The following DOK6 variants were observed in gnomAD, a reference collection of about 807,000 sequenced individuals.
The protein encoded by DOK6 is docking protein 6.
Under a neutral mutation model 44.0 loss-of-function variants are expected in DOK6, and 22 were observed. That is an observed-to-expected ratio of 0.50 (90% CI 0.36 to 0.71). DOK6 has a LOEUF of 0.71. Ranked by LOEUF, DOK6 falls within the 30% of genes least tolerant of loss-of-function variation. DOK6 has a pLI of 0.00. For missense variants in DOK6, 340 were observed against 416.4 expected (o/e 0.82, Z 1.60); for synonymous variants, 166 against 145.5 (o/e 1.14, Z -1.01).
At chr18:69,514,840 T>TATATA (rs369277915) in intron 1 of DOK6, among the ~76,000 whole-genome samples, 58,999 of 119,626 alleles carry the variant, frequency 0.49, 12,648 homozygotes, top group Non-Finnish European at 0.58. Flanking sequence ...TCCATATATA[T>TATATA]TTTTTTTTTT....
At chr18:69,707,206 A>G (rs929718489) in intron 5 of DOK6, among the ~76,000 whole-genome samples, 1 of 152,236 alleles carries the variant, frequency 6.6e-6, no homozygotes, top group Admixed American at 6.5e-5. Flanking sequence ...AAATGGAAGA[A>G]CATTCCATGC....
chr18:69,443,891 C>T (rs1979204580), intron 1 of DOK6, among the ~76,000 whole-genome samples: 1 of 152,120 alleles, frequency 6.6e-6, no homozygotes, highest in African/African-American at 2.4e-5. Flanking sequence ...AGTCTGTGTG[C>T]TCCCTTAACC....
At chr18:69,543,819 T>C (rs1446486970) in intron 1 of DOK6, among the ~76,000 whole-genome samples, 1 of 151,340 alleles carries the variant, frequency 6.6e-6, no homozygotes, top group East Asian at 1.9e-4. Context: ...AAAGAACAAA[T>C]GATAAGGGAA....
intron 1 of DOK6, among the ~76,000 whole-genome samples, chr18:69,514,949 T>C (rs4427905): frequency 0.62 from 93,519 of 151,754 alleles, 29,514 homozygotes; most frequent in Non-Finnish European, 0.69. Context: ...AGAGGCTCTG[T>C]TCAGTTAATC....
At chr18:69,598,679 C>A (rs943951372) in intron 2 of DOK6, among the ~76,000 whole-genome samples, 6 of 152,014 alleles carry the variant, frequency 3.9e-5, no homozygotes, top group African/African-American at 1.2e-4. Flanking sequence ...TTTCTGTTGA[C>A]TGCGGGGGAA....
intron 3 of DOK6, among the ~76,000 whole-genome samples, chr18:69,622,944 G>C (rs1386259628): frequency 6.6e-6 from 1 of 152,144 alleles, no homozygotes; most frequent in Non-Finnish European, 1.5e-5. Flanking sequence ...AGTCGGAATT[G>C]CCATTTCACT....
At chr18:69,428,565 C>G (rs1978708617) in intron 1 of DOK6, among the ~76,000 whole-genome samples, 1 of 152,024 alleles carries the variant, frequency 6.6e-6, no homozygotes, top group African/African-American at 2.4e-5. Context: ...AAGAGGATAA[C>G]TCTAGAGCTT....
At chr18:69,668,744 ATG>A (rs1985721912) in intron 3 of DOK6, among the ~76,000 whole-genome samples, 1 of 152,180 alleles carries the variant, frequency 6.6e-6, no homozygotes, top group Admixed American at 6.6e-5. Flanking sequence ...TCCGCAATGT[ATG>A]TGACTCAAAG....
chr18:69,779,062 T>C (rs138867459), intron 7 of DOK6, among the ~76,000 whole-genome samples: 13 of 152,290 alleles, frequency 8.5e-5, no homozygotes, highest in African/African-American at 2.9e-4. Flanking sequence ...AAGCATTAGA[T>C]GCTTATTGCC....
chr18:69,673,862 A>C (rs1985863054), intron 3 of DOK6, among the ~76,000 whole-genome samples: 1 of 152,242 alleles, frequency 6.6e-6, no homozygotes, highest in Non-Finnish European at 1.5e-5. Flanking sequence ...AAAACTTTAT[A>C]GAACCCTTTA....
chr18:69,767,028 AC>A (rs1979737657), intron 7 of DOK6, among the ~76,000 whole-genome samples: 2 of 152,198 alleles, frequency 1.3e-5, no homozygotes, highest in South Asian at 4.1e-4. Flanking sequence ...AGAGTTCGAG[AC>A]CAGCCTGGCC....
intron 1 of DOK6, among the ~76,000 whole-genome samples, chr18:69,561,302 CTA>C (rs35922877): frequency 0.21 from 32,112 of 152,042 alleles, 3,606 homozygotes; most frequent in Middle Eastern, 0.36. Context: ...TAAGTTTCCA[CTA>C]TATCAAACTG....
At chr18:69,496,814 G>T (rs563320949) in intron 1 of DOK6, among the ~76,000 whole-genome samples, 3 of 152,202 alleles carry the variant, frequency 2.0e-5, no homozygotes, top group Admixed American at 6.5e-5. Flanking sequence ...CTTAAAACAT[G>T]AATTATATTA....
At chr18:69,734,305 CTGT>C (rs1049170123) in intron 5 of DOK6, among the ~76,000 whole-genome samples, 7 of 131,036 alleles carry the variant, frequency 5.3e-5, no homozygotes, top group African/African-American at 1.9e-4. Flanking sequence ...CTTTTCTGTA[CTGT>C]TGTTTTTTAC....
At chr18:69,738,908 CTG>C (rs1431887578) in intron 5 of DOK6, 55 bp from the exon 6 acceptor site, 22 of 1,590,396 alleles carry the variant, frequency 1.4e-5, no homozygotes, top group Middle Eastern at 1.7e-4. Context: ...ACGTGGAAAA[CTG>C]TTATGCACTT....
intron 4 of DOK6, among the ~76,000 whole-genome samples, chr18:69,682,054 G>C (rs1359836008): frequency 1.3e-5 from 2 of 152,160 alleles, no homozygotes; most frequent in East Asian, 3.9e-4. Flanking sequence ...TTAGCCTAAA[G>C]ATCTGTATAA....
chr18:69,405,407 A>G (rs1459495376), intron 1 of DOK6, among the ~76,000 whole-genome samples: 2 of 152,068 alleles, frequency 1.3e-5, no homozygotes, highest in African/African-American at 4.8e-5. Flanking sequence ...GTGAAACCCC[A>G]TCTCTACTAA....
chr18:69,458,153 C>T (rs994666881), intron 1 of DOK6, among the ~76,000 whole-genome samples: 6 of 152,210 alleles, frequency 3.9e-5, no homozygotes, highest in Non-Finnish European at 8.8e-5. Flanking sequence ...AGCAAACCTC[C>T]GTGTTACAAA....
At chr18:69,511,024 A>G (rs1360338957) in intron 1 of DOK6, among the ~76,000 whole-genome samples, 3 of 152,206 alleles carry the variant, frequency 2.0e-5, no homozygotes, top group African/African-American at 7.2e-5. Context: ...AAAATGAAAC[A>G]AAATGAAACT....
Sources: gnomAD v4.1 joint callset for allele counts (sites outside exome capture counted in the v4.1 genomes callset) on GRCh38, gnomAD v4.1.1 for gene constraint, MANE v1.5 for transcripts, NCBI Gene and HGNC (gene_info 2026-07-23, HGNC 2026-07-21) for gene names.